SLC9C1: variants seen among roughly 807,000 people sequenced by gnomAD.
SLC9C1 encodes the protein solute carrier family 9 member C1.
SLC9C1 carries 97 observed loss-of-function variants against 140.9 expected under a neutral mutation model. The observed-to-expected ratio is 0.69, with a 90% CI of 0.58 to 0.82. The LOEUF (loss-of-function observed/expected upper bound fraction) is 0.82, where lower values mean the gene tolerates loss of function less well. Among genes scored for constraint, SLC9C1 ranks in the 40% least tolerant of loss-of-function variants. SLC9C1 has a pLI of 0.00. For synonymous variants in SLC9C1, 440 were observed against 442.6 expected (o/e 0.99, Z 0.07); for missense variants, 1,340 against 1,389.3 (o/e 0.96, Z 0.56).
chr3:112,267,575 CAAA>C (rs71933510), intron 7 of SLC9C1, among the ~76,000 whole-genome samples: 15,634 of 55,894 alleles, frequency 0.28, 697 homozygotes, highest in Middle Eastern at 0.39. Flanking sequence ...GACTCCGTCT[CAAA>C]AAAAAAAAAA....
chr3:112,262,674 G>A (rs1443713979), intron 10 of SLC9C1, among the ~76,000 whole-genome samples: 1 of 151,750 alleles, frequency 6.6e-6, no homozygotes, highest in African/African-American at 2.4e-5. Flanking sequence ...ATTATTGAGT[G>A]CACCTTTTAT....
intron 7 of SLC9C1, among the ~76,000 whole-genome samples, chr3:112,269,039 TAACTTC>T (rs1410278147): frequency 6.6e-6 from 1 of 152,234 alleles, no homozygotes; most frequent in African/African-American, 2.4e-5. Flanking sequence ...ACTTGATATG[TAACTTC>T]TATTTTGATT....
chr3:112,234,141 C>G (rs1009113141), intron 12 of SLC9C1, among the ~76,000 whole-genome samples: 44 of 152,240 alleles, frequency 2.9e-4, no homozygotes, highest in African/African-American at 9.6e-4. Flanking sequence ...TCTCCAGCAC[C>G]TGTTGTTTCC....
intron 20 of SLC9C1, chr3:112,185,690 C>T: frequency 1.3e-6 from 2 of 1,548,110 alleles, no homozygotes. Context: ...GGCGTGCACG[C>T]TCGTGCCACC....
chr3:112,280,850 G>T, intron 2 of SLC9C1, 67 bp from the exon 3 acceptor site: 1 of 1,400,850 alleles, frequency 7.1e-7, no homozygotes, highest in South Asian at 1.2e-5. Flanking sequence ...AATGTGACAT[G>T]ATTTCTTAAA....
chr3:112,165,602 A>G (rs888705802), intron 26 of SLC9C1, among the ~76,000 whole-genome samples: 6 of 152,150 alleles, frequency 3.9e-5, no homozygotes, highest in Non-Finnish European at 7.3e-5. Context: ...GTGAACAGCA[A>G]ATGTTGCTAC....
intron 28 of SLC9C1, among the ~76,000 whole-genome samples, chr3:112,142,764 A>G (rs2074669599): frequency 6.6e-6 from 1 of 152,186 alleles, no homozygotes; most frequent in African/African-American, 2.4e-5. Flanking sequence ...TTCCAGGGAT[A>G]CATGTGCAAG....
chr3:112,269,748 TATAG>T (rs1473231941), intron 7 of SLC9C1, among the ~76,000 whole-genome samples, 164 bp downstream of exon 7: 3 of 152,172 alleles, frequency 2.0e-5, no homozygotes, highest in Non-Finnish European at 4.4e-5. Context: ...GTTTCTGTTG[TATAG>T]ATATTCATAT....
chr3:112,166,366 C>G (rs1005317497), intron 26 of SLC9C1, among the ~76,000 whole-genome samples: 1 of 152,204 alleles, frequency 6.6e-6, no homozygotes, highest in Non-Finnish European at 1.5e-5. Flanking sequence ...GTCACTCATG[C>G]TGGGAGCTGT....
intron 13 of SLC9C1, among the ~76,000 whole-genome samples, chr3:112,225,458 TAAAGA>T (rs1353981757): frequency 6.6e-6 from 1 of 151,172 alleles, no homozygotes; most frequent in Non-Finnish European, 1.5e-5. Flanking sequence ...ACACAAATCT[TAAAGA>T]AAAAGGAATC....
chr3:112,172,604 G>A (rs1560028348), intron 23 of SLC9C1, among the ~76,000 whole-genome samples: 1 of 152,000 alleles, frequency 6.6e-6, no homozygotes, highest in Non-Finnish European at 1.5e-5. Context: ...AGTGGTGAGA[G>A]TGGACATTCT....
intron 26 of SLC9C1, among the ~76,000 whole-genome samples, chr3:112,165,843 G>A (rs2077118547): frequency 6.6e-6 from 1 of 152,228 alleles, no homozygotes; most frequent in South Asian, 2.1e-4. Context: ...GCTGCCTTTT[G>A]TTTGGCAATG....
chr3:112,288,743 G>C (rs1181463571), intron 1 of SLC9C1, among the ~76,000 whole-genome samples: 1 of 152,162 alleles, frequency 6.6e-6, no homozygotes, highest in Non-Finnish European at 1.5e-5. Context: ...CGGGGTGACA[G>C]AGTGATACCT....
chr3:112,274,986 C>T lies in SLC9C1; in HGVS notation c.524G>A (p.Ser175Asn), dbSNP rs755066589. 1.3e-6 allele frequency: 2 copies of T among 1,580,218 alleles called. No homozygotes were observed. The highest frequency in any genetic ancestry group is 1.2e-5 in the South Asian group (1 of 83,270). ...RSLISLINGE[S>N]LMTSVISLIT... ...TAATGATATAACAGAGGTCATCAGA[C>T]TTTCTCCATTAATTAAACTGATGAG... The change falls in exon 6 of 29, where the codon AGT becomes AAT. Residue 175 changes from serine to asparagine, a missense_variant. By Grantham distance (46) the Ser-to-Asn change is conservative. Transcript: ENST00000305815.
At chr3:112,283,918 T>G (rs1240410180) in intron 2 of SLC9C1, among the ~76,000 whole-genome samples, 1 of 151,874 alleles carries the variant, frequency 6.6e-6, no homozygotes, top group African/African-American at 2.4e-5. Context: ...TGTTGGTGAT[T>G]CGTTACTGAT....
chr3:112,188,735 C>G, intron 20 of SLC9C1, among the ~76,000 whole-genome samples: 1 of 152,114 alleles, frequency 6.6e-6, no homozygotes. Flanking sequence ...ATTTATAATC[C>G]TTTGGGTATA....
chr3:112,161,681 GTA>G (rs1243647707), intron 26 of SLC9C1, among the ~76,000 whole-genome samples: 1 of 152,040 alleles, frequency 6.6e-6, no homozygotes, highest in African/African-American at 2.4e-5. Flanking sequence ...CAGCCTTGTA[GTA>G]TAGTTTGAAG....
intron 13 of SLC9C1, 59 bp from the exon 14 acceptor site, chr3:112,221,284 A>T (rs2078534687): frequency 7.2e-7 from 1 of 1,389,420 alleles, no homozygotes; most frequent in East Asian, 2.3e-5. Flanking sequence ...AACTTATTAC[A>T]ATCTTGATGG....
chr3:112,236,805 C>G (rs2078999512), intron 12 of SLC9C1, among the ~76,000 whole-genome samples: 1 of 152,180 alleles, frequency 6.6e-6, no homozygotes, highest in Non-Finnish European at 1.5e-5. Context: ...ATCCTGAGTT[C>G]TAGTTTGATT....
Sources: allele counts gnomAD v4.1 joint callset (sites outside exome capture counted in the v4.1 genomes callset), GRCh38; gene constraint gnomAD v4.1.1; transcripts MANE v1.5; gene names NCBI Gene and HGNC (gene_info 2026-07-23, HGNC 2026-07-21).